Variants in LRP1B observed in about 807,000 individuals in gnomAD.
LRP1B encodes low-density lipoprotein receptor-related protein 1B.
Under a neutral mutation model 556.6 loss-of-function variants are expected in LRP1B, and 217 were observed. That is an observed-to-expected ratio of 0.39 (90% CI 0.35 to 0.44). LRP1B has a LOEUF of 0.44. Ranked by LOEUF, LRP1B falls within the 20% of genes least tolerant of loss-of-function variation. The probability of loss-of-function intolerance (pLI) is 1.00; values close to 1 mark genes in which losing one functional copy is unlikely to be tolerated. For missense variants in LRP1B, 5,053 were observed against 5,620.8 expected, an observed-to-expected ratio of 0.90 and a Z score of 3.23; for synonymous variants, 2,047 against 1,865.8, an observed-to-expected ratio of 1.10 and a Z score of -2.50.
At chr2:141,207,300 T>C in intron 6 of LRP1B, among the ~76,000 whole-genome samples, 1 of 152,320 alleles carries the variant, frequency 6.6e-6, no homozygotes, top group South Asian at 2.1e-4. Flanking sequence ...TCTATAAAGA[T>C]AAATTACAGA....
intron 1 of LRP1B, among the ~76,000 whole-genome samples, chr2:141,939,330 C>A (rs961737671): frequency 6.6e-6 from 1 of 151,730 alleles, no homozygotes; most frequent in Non-Finnish European, 1.5e-5. Context: ...ATTAAGAGTG[C>A]AGAATTAGTA....
chr2:141,774,844 C>T (rs1297951597), intron 2 of LRP1B, among the ~76,000 whole-genome samples: 1 of 152,166 alleles, frequency 6.6e-6, no homozygotes, highest in Non-Finnish European at 1.5e-5. Flanking sequence ...CTGACCCTCA[C>T]TGCTATCTTG....
chr2:140,377,322 G>A (rs1314587381), intron 68 of LRP1B, among the ~76,000 whole-genome samples: 2 of 151,982 alleles, frequency 1.3e-5, no homozygotes, highest in African/African-American at 2.4e-5. Context: ...TGATCCACCC[G>A]CCTCGGCCTC....
At chr2:140,698,217 A>C (rs1342068312) in intron 41 of LRP1B, among the ~76,000 whole-genome samples, 1 of 151,970 alleles carries the variant, frequency 6.6e-6, no homozygotes, top group Non-Finnish European at 1.5e-5. Flanking sequence ...TTTGTACTAA[A>C]CATTTTCTGA....
chr2:140,430,958 C>T (rs997349590), intron 66 of LRP1B, among the ~76,000 whole-genome samples: 1 of 152,156 alleles, frequency 6.6e-6, no homozygotes, highest in Admixed American at 6.5e-5. Context: ...AACTAAAATA[C>T]CTCTTAGTCT....
At position 140,514,668 on chromosome 2, in the gene LRP1B, T is replaced by G; in HGVS notation, c.8254A>C (p.Ser2752Arg). The change falls in exon 51 of 91, where the codon AGT (serine) becomes CGT (arginine). Residue 2752 changes from serine to arginine, a missense_variant. Physicochemically the swap from Ser to Arg is moderately radical, Grantham distance 110 (BLOSUM62 -1). Around this residue, in one of 5 missense-constraint regions of LRP1B, gnomAD observed 3,619 missense variants for 3,931.9 expected, o/e 0.92. Transcript: ENST00000389484. Reference protein sequence around the residue: ...EDDCGDGLDESDSICGAITCA... With the variant: ...EDDCGDGLDERDSICGAITCA... ...CACAACTTACCACAAATGCTGTCAC[T>G]TTCATCTAACCCATCCCCACAGTCA... 2 of 1,609,676 alleles carry G rather than the reference T, an allele frequency of 1.2e-6. No homozygotes were observed. Among genetic ancestry groups the G allele is most frequent in the East Asian group, 2.2e-5 (1 of 44,790 alleles).
intron 1 of LRP1B, among the ~76,000 whole-genome samples, chr2:142,118,427 T>G (rs965945426): frequency 2.0e-5 from 3 of 152,196 alleles, no homozygotes; most frequent in Non-Finnish European, 4.4e-5. Context: ...CTGAATACGC[T>G]TTGGTTACTT....
At chr2:141,472,885 G>A (rs1559090528) in intron 3 of LRP1B, among the ~76,000 whole-genome samples, 2 of 152,218 alleles carry the variant, frequency 1.3e-5, no homozygotes, top group Admixed American at 6.5e-5. Flanking sequence ...AAGAGAACAT[G>A]TTTTTAATAT....
chr2:140,581,431 G>A (rs61585677), intron 43 of LRP1B, among the ~76,000 whole-genome samples: 72,210 of 151,736 alleles, frequency 0.48, 17,593 homozygotes, highest in Admixed American at 0.57. Flanking sequence ...ATTGCTTCCC[G>A]GGATCGCATA....
intron 72 of LRP1B, among the ~76,000 whole-genome samples, chr2:140,361,171 C>A (rs192749018): frequency 6.7e-6 from 1 of 149,678 alleles, no homozygotes; most frequent in African/African-American, 2.5e-5. Flanking sequence ...ATTCTCTGGC[C>A]CTTTTCTCTT....
At chr2:140,325,639 T>C (rs113293993) in intron 80 of LRP1B, 123 bp downstream of exon 80, 1 of 633,142 alleles carries the variant, frequency 1.6e-6, no homozygotes, top group African/African-American at 1.9e-5. Flanking sequence ...CCTTATAAGT[T>C]GAAAGGAGAA....
chr2:140,420,105 A>G (rs192722197), intron 66 of LRP1B, among the ~76,000 whole-genome samples: 18 of 152,158 alleles, frequency 1.2e-4, no homozygotes, highest in African/African-American at 4.3e-4. Context: ...AGCCGATGCT[A>G]AAGCAGTATT....
At chr2:141,151,603 A>G (rs539305523) in intron 7 of LRP1B, among the ~76,000 whole-genome samples, 7 of 152,214 alleles carry the variant, frequency 4.6e-5, no homozygotes, top group African/African-American at 1.7e-4. Context: ...AGTTCACACA[A>G]TTTTGTTCTC....
At chr2:140,367,109 G>T (rs1682796607) in intron 71 of LRP1B, among the ~76,000 whole-genome samples, 1 of 151,634 alleles carries the variant, frequency 6.6e-6, no homozygotes, top group South Asian at 2.1e-4. Context: ...TAGTTTGGTG[G>T]CCAGATGTTG....
intron 41 of LRP1B, among the ~76,000 whole-genome samples, chr2:140,658,243 A>G (rs76105716): frequency 0.062 from 9,505 of 152,126 alleles, 345 homozygotes; most frequent in Admixed American, 0.079. Context: ...AAGGAAAAAT[A>G]TGGTCTTTTC....
Position 141,229,933 on chromosome 2 carries a change from C to A in LRP1B, c.593-493G>T, listed in dbSNP as rs542058776. ...TTGGCCTCACTGGCTCCTTGACCAACCCCAAGAGCCAAACAATCACACATT... is the reference window on the plus strand; with the variant it reads ...TTGGCCTCACTGGCTCCTTGACCAAACCCAAGAGCCAAACAATCACACATT... On this transcript the variant is annotated intron_variant, in intron 5 of 90. Coordinates refer to ENST00000389484, the MANE Select transcript of LRP1B (RefSeq NM_018557.3). Among the ~76,000 whole-genome samples the A allele has an allele frequency of 6.2e-4, 94 of 152,282 alleles. 1 individual carries two copies. Among genetic ancestry groups the A allele is most frequent in the Non-Finnish European group, 1.2e-3 (84 of 68,026 alleles).
At position 141,113,568 on chromosome 2, in the gene LRP1B, ATTTTT is replaced by A. The variant is rs529042415; in HGVS notation, c.1014-51300_1014-51296del. Among the ~76,000 whole-genome samples the A allele has an allele frequency of 1.6e-3, 247 of 151,462 alleles. 1 individual carries two copies. The highest frequency in any genetic ancestry group is 5.7e-3 in the African/African-American group (236 of 41,320). ...CTATACTGTATGAGGTTTGCAATTC[ATTTTT>A]TTTTAAGTTCTAGTTCTTTGAAAGG... On this transcript the variant is annotated intron_variant, in intron 7 of 90. Transcript: ENST00000389484.
At position 140,953,491 on chromosome 2, in the gene LRP1B, T is replaced by C. The variant is rs541216824; in HGVS notation, c.2888-1551A>G. On this transcript the variant is annotated intron_variant, in intron 18 of 90. Transcript: ENST00000389484. ...ACTGACACAGAATCATAGAATATAT[T>C]TGAGGGAAGACAACGCAGAGAATAT... Among the ~76,000 whole-genome samples, 20 of 152,302 alleles carry C rather than the reference T, an allele frequency of 1.3e-4. No homozygotes were observed. The South Asian group carries it at 3.9e-3, about 30-fold the overall frequency.
chr2:141,238,148 T>C (rs1390613246), intron 5 of LRP1B, among the ~76,000 whole-genome samples: 2 of 152,174 alleles, frequency 1.3e-5, no homozygotes, highest in Non-Finnish European at 2.9e-5. Context: ...TTATTAGAAC[T>C]AGCAGACAGT....
Sources: allele counts gnomAD v4.1 joint callset (sites outside exome capture counted in the v4.1 genomes callset), GRCh38; gene constraint gnomAD v4.1.1; regional missense constraint gnomAD v4.1.1; transcripts MANE v1.5; gene names NCBI Gene and HGNC (gene_info 2026-07-23, HGNC 2026-07-21).